The following STAU2 variants were observed in gnomAD, a reference collection of about 807,000 sequenced individuals.
STAU2 encodes staufen double-stranded RNA binding protein 2.
Under a neutral mutation model 65.9 loss-of-function variants are expected in STAU2, and 20 were observed. The observed-to-expected ratio is 0.30, with a 90% CI of 0.21 to 0.44. The LOEUF (loss-of-function observed/expected upper bound fraction) is 0.44, where lower values mean the gene tolerates loss of function less well. STAU2 is among the 20% of genes least tolerant of loss of function. The probability of loss-of-function intolerance (pLI) is 1.00; values close to 1 mark genes in which losing one functional copy is unlikely to be tolerated. For synonymous variants in STAU2, 232 were observed against 233.9 expected, an observed-to-expected ratio of 0.99 and a Z score of 0.07; for missense variants, 558 against 683.9, an observed-to-expected ratio of 0.82 and a Z score of 2.05.
chr8:73,699,638 G>A lies in STAU2; in HGVS notation c.114+9394C>T, dbSNP rs185788518. Among the ~76,000 whole-genome samples the A allele has an allele frequency of 2.0e-5, 3 of 152,012 alleles. No individual in the cohort carries two copies. In the East Asian group the frequency reaches 5.8e-4, roughly 29 times the overall value. ...AACCCGGAAGAAATCCAAAACCTGA[G>A]CAGACCAATAACAAGTGAGGAGATC... is the stretch of plus-strand genomic sequence containing the variant. On this transcript the variant is annotated intron_variant, in intron 4 of 14. Transcript: ENST00000524300.
chr8:73,552,253 A>C lies in STAU2; in HGVS notation c.1289T>G (p.Val430Gly), dbSNP rs1385471910. ...YQEMEASRHKVISGTTLGYLS... is the reference protein window; with the variant it reads ...YQEMEASRHKGISGTTLGYLS... ...ATAGCCTAGAGTAGTGCCAGAGATTACTTTGTGGCGGCTGGCTTCCATCTC... is the reference window on the plus strand; with the variant it reads ...ATAGCCTAGAGTAGTGCCAGAGATTCCTTTGTGGCGGCTGGCTTCCATCTC... Residue 430 changes from valine (V) to glycine (G), a missense_variant, in exon 13 of 15, where the codon GTA (valine) becomes GGA (glycine). This residue lies in a region of STAU2 where 247 missense variants were observed against 270.1 expected (regional missense o/e 0.91). Coordinates refer to ENST00000524300, the MANE Select transcript of STAU2 (RefSeq NM_001164380.2). 5 of 1,613,788 alleles carry C rather than the reference A, an allele frequency of 3.1e-6. No individual in the cohort carries two copies. The highest frequency in any genetic ancestry group is 4.2e-6 in the Non-Finnish European group (5 of 1,179,838).
chr8:73,434,461 CCTGTCACCTGAA>C (rs965326139), intron 13 of STAU2, among the ~76,000 whole-genome samples: 1 of 151,834 alleles, frequency 6.6e-6, no homozygotes, highest in African/African-American at 2.4e-5. Flanking sequence ...ATACACTCTC[CCTGTCACCTGAA>C]CAAGGAAGGG....
intron 3 of STAU2, among the ~76,000 whole-genome samples, chr8:73,724,691 ATT>A (rs71269938): frequency 0.064 from 9,107 of 141,318 alleles, 363 homozygotes; most frequent in Middle Eastern, 0.15. Context: ...ATATATATAT[ATT>A]TTTTTTTTTT....
chr8:73,506,288 CT>C (rs149954437), intron 13 of STAU2, among the ~76,000 whole-genome samples: 1 of 152,220 alleles, frequency 6.6e-6, no homozygotes, highest in African/African-American at 2.4e-5. Flanking sequence ...GCCGTTGCTC[CT>C]AATTCCTAGT....
At chr8:73,672,453 C>G (rs1279307421) in intron 6 of STAU2, 1 of 151,984 alleles carries the variant, frequency 6.6e-6, no homozygotes, top group Non-Finnish European at 1.5e-5. Flanking sequence ...AAAAAGTCAT[C>G]AAATAAAGTA....
intron 13 of STAU2, among the ~76,000 whole-genome samples, chr8:73,524,373 G>T (rs79866432): frequency 6.6e-6 from 1 of 152,114 alleles, no homozygotes; most frequent in Admixed American, 6.5e-5. Flanking sequence ...AGGGAACAAA[G>T]AGTTCCATAA....
At chr8:73,498,077 G>A (rs1013766250) in intron 13 of STAU2, among the ~76,000 whole-genome samples, 3 of 151,766 alleles carry the variant, frequency 2.0e-5, no homozygotes, top group East Asian at 1.9e-4. Flanking sequence ...AATCATGTCC[G>A]TTGAAGTTAA....
At chr8:73,689,417 C>T (rs1425582897) in intron 4 of STAU2, among the ~76,000 whole-genome samples, 1 of 152,204 alleles carries the variant, frequency 6.6e-6, no homozygotes, top group African/African-American at 2.4e-5. Context: ...ACATAATATT[C>T]TTCCAGCTGA....
intron 12 of STAU2, among the ~76,000 whole-genome samples, chr8:73,577,251 A>T (rs1350378477): frequency 6.6e-6 from 1 of 151,874 alleles, no homozygotes; most frequent in Non-Finnish European, 1.5e-5. Context: ...ACACAATGAA[A>T]CCCCGTCTCT....
chr8:73,720,317 G>A lies in STAU2; in HGVS notation c.-17-11155C>T, dbSNP rs1190129463. Among the ~76,000 whole-genome samples the A allele has an allele frequency of 2.7e-5, 4 of 150,286 alleles. No homozygotes were observed. The South Asian group carries it at 8.5e-4, about 32-fold the overall frequency. On this transcript the variant is annotated intron_variant, in intron 3 of 14. Coordinates refer to ENST00000524300, the MANE Select transcript of STAU2 (RefSeq NM_001164380.2). The stretch of plus-strand genomic sequence containing the variant: ...ATCCATTTTCTTCTTCTTCCTTTGG[G>A]ATTAATTTGTTCTTCTTTTTCTAGT...
intron 6 of STAU2, among the ~76,000 whole-genome samples, chr8:73,632,107 TATG>T (rs1814137937): frequency 1.3e-5 from 2 of 151,972 alleles, no homozygotes; most frequent in Admixed American, 1.3e-4. Context: ...TGACAGTAGG[TATG>T]ATATTAAGAA....
intron 13 of STAU2, among the ~76,000 whole-genome samples, chr8:73,533,480 C>T (rs1805964625): frequency 6.6e-6 from 1 of 152,166 alleles, no homozygotes; most frequent in Non-Finnish European, 1.5e-5. Context: ...ATGTACTCTT[C>T]TAAACCCAGA....
At position 73,617,378 on chromosome 8, in the gene STAU2, T is replaced by G. The variant is rs753497714; in HGVS notation, c.484A>C (p.Lys162Gln). 1 of 1,614,122 alleles carries G rather than the reference T, an allele frequency of 6.2e-7. No individual in the cohort carries two copies. Among genetic ancestry groups the G allele is most frequent in the South Asian group, 1.1e-5 (1 of 91,080 alleles). The change falls in exon 7 of 15, where the codon AAG becomes CAG. Residue 162 changes from lysine (K) to glutamine (Q), a missense_variant. By Grantham distance (53) the Lys-to-Gln change is moderately conservative. This residue lies in a region of STAU2 where 199 missense variants were observed against 299.5 expected (regional missense o/e 0.66). Transcript: ENST00000524300. ...TTGTGTCTAGCAGCTTGTCGAGTCT[T>G]TCCTTCCCCAAAAAATTCATTATTT... ...VGNNEFFGEG[K>Q]TRQAARHNAA... is the part of the protein sequence containing the mutation.
intron 13 of STAU2, among the ~76,000 whole-genome samples, chr8:73,530,707 T>C (rs79474494): frequency 8.7e-4 from 132 of 152,228 alleles, no homozygotes; most frequent in Admixed American, 2.0e-3. Flanking sequence ...TGAGAGCTTA[T>C]TGAAGGAGTC....
intron 10 of STAU2, among the ~76,000 whole-genome samples, chr8:73,598,784 A>T (rs183798524): frequency 8.4e-4 from 128 of 152,280 alleles, no homozygotes; most frequent in African/African-American, 3.0e-3. Flanking sequence ...GAAACTCCAC[A>T]GATGAATTAT....
At chr8:73,493,754 G>A (rs1373604230) in intron 13 of STAU2, among the ~76,000 whole-genome samples, 1 of 151,622 alleles carries the variant, frequency 6.6e-6, no homozygotes, top group African/African-American at 2.4e-5. Flanking sequence ...ATTGATGCAA[G>A]AGAAAAAAAC....
intron 13 of STAU2, among the ~76,000 whole-genome samples, chr8:73,503,851 ACT>A (rs1030638800): frequency 2.0e-5 from 3 of 152,042 alleles, no homozygotes; most frequent in South Asian, 4.1e-4. Context: ...CTCCAGGGAA[ACT>A]CTATTTCTCT....
At chr8:73,530,836 C>A (rs907096053) in intron 13 of STAU2, among the ~76,000 whole-genome samples, 10 of 129,104 alleles carry the variant, frequency 7.7e-5, no homozygotes, top group African/African-American at 2.5e-4. Flanking sequence ...GCTACTCAGG[C>A]CAGCCAAAGT....
intron 1 of STAU2, among the ~76,000 whole-genome samples, chr8:73,744,594 A>AT (rs1041922879): frequency 2.0e-5 from 3 of 152,004 alleles, no homozygotes; most frequent in South Asian, 2.1e-4. Flanking sequence ...ACTATCTTAG[A>AT]TTTTTTTTAT....
Sources: allele counts gnomAD v4.1 joint callset (sites outside exome capture counted in the v4.1 genomes callset), GRCh38; gene constraint gnomAD v4.1.1; regional missense constraint gnomAD v4.1.1; transcripts MANE v1.5; gene names NCBI Gene and HGNC (gene_info 2026-07-23, HGNC 2026-07-21).